CA5A: variants seen among roughly 807,000 people sequenced by gnomAD.
CA5A encodes carbonic anhydrase 5A, mitochondrial.
Under a neutral mutation model 37.1 loss-of-function variants are expected in CA5A, and 28 were observed. The observed-to-expected ratio is 0.75, with a 90% CI of 0.56 to 1.03. CA5A has a LOEUF of 1.03. Among genes scored for constraint, CA5A ranks in the 50% least tolerant of loss-of-function variants. The pLI is 0.00. For missense variants in CA5A, 444 were observed against 399.9 expected (o/e 1.11, Z -0.94); for synonymous variants, 171 against 158.4 (o/e 1.08, Z -0.60).
chr16:87,913,655 C>A (rs963761021), intron 2 of CA5A, among the ~76,000 whole-genome samples: 7 of 136,144 alleles, frequency 5.1e-5, no homozygotes, highest in Admixed American at 4.1e-4. Flanking sequence ...GTGCCGTGGC[C>A]CCCCCCTCCT....
intron 6 of CA5A, 96 bp from the exon 7 acceptor site, chr16:87,888,368 G>T: frequency 9.3e-7 from 1 of 1,071,986 alleles, no homozygotes; most frequent in Non-Finnish European, 1.4e-6. Context: ...CTCCCATGCT[G>T]AATCAGGATG....
downstream of CA5A, chr16:87,883,153 T>G (rs568548994): frequency 6.6e-6 from 1 of 152,058 alleles, no homozygotes; most frequent in Admixed American, 6.6e-5. Context: ...CCACAGTAGC[T>G]GGGATTATAG....
At chr16:87,925,904 C>T (rs2056300442) in intron 2 of CA5A, among the ~76,000 whole-genome samples, 1 of 152,100 alleles carries the variant, frequency 6.6e-6, no homozygotes, top group Admixed American at 6.6e-5. Context: ...AGTCTGTCCT[C>T]ACAGCAGCTG....
Position 87,936,333 on chromosome 16 carries a change from C to T in CA5A, c.118G>A (p.Ala40Thr), listed in dbSNP as rs970463808. 1 of 1,613,724 alleles carries T rather than the reference C, an allele frequency of 6.2e-7. No individual in the cohort carries two copies. The highest frequency in any genetic ancestry group is 1.3e-5 in the African/African-American group (1 of 74,898). Residue 40 changes from alanine (A) to threonine (T), a missense_variant, in exon 1 of 7, where the codon GCA becomes ACA. Transcript: ENST00000649794. Reference sequence around the variant, plus strand: ...CAAGTGTTATTGCTGGTTTGCCATGCACAGGAACGCTGAGAACACCATCGC... The same window carrying T: ...CAAGTGTTATTGCTGGTTTGCCATGTACAGGAACGCTGAGAACACCATCGC... The part of the protein sequence containing the change: ...PGRWCSQRSC[A>T]WQTSNNTLHP...
At chr16:87,882,020 C>T (rs188421876) in intron 4 of CA5A, 2 of 152,212 alleles carry the variant, frequency 1.3e-5, no homozygotes, top group African/African-American at 4.8e-5. Flanking sequence ...CAACATGGGG[C>T]CGGTAGAACT....
chr16:87,915,619 G>A (rs1447865786), intron 2 of CA5A, among the ~76,000 whole-genome samples: 2 of 136,220 alleles, frequency 1.5e-5, no homozygotes, highest in South Asian at 2.5e-4. Flanking sequence ...AGCTCAGGAG[G>A]TCGAGGCTGC....
intron 2 of CA5A, among the ~76,000 whole-genome samples, chr16:87,912,193 T>C (rs1323972723): frequency 1.3e-5 from 2 of 152,084 alleles, no homozygotes; most frequent in Non-Finnish European, 2.9e-5. Context: ...TGCCAGCTAC[T>C]TGGGAGGCGG....
At position 87,929,189 on chromosome 16, in the gene CA5A, C is replaced by T. The variant is rs111596362; in HGVS notation, c.143-2244G>A. On this transcript the variant is annotated intron_variant, in intron 1 of 6. Coordinates refer to ENST00000649794, the MANE Select transcript of CA5A (RefSeq NM_001739.2). ...AGCCCTGGCTGGGCGCGGTGGCTCA[C>T]GCCTATAATCCCAGTAGTTTGGGAG... 1.7e-3 allele frequency among the ~76,000 whole-genome samples: 265 copies of T among 151,812 alleles called. 1 individual carries two copies. Among genetic ancestry groups the T allele is most frequent in the African/African-American group, 6.0e-3 (247 of 41,450 alleles).
intron 1 of CA5A, among the ~76,000 whole-genome samples, chr16:87,927,650 C>T (rs548185932): frequency 3.9e-5 from 6 of 152,240 alleles, no homozygotes; most frequent in African/African-American, 1.4e-4. Context: ...CACTTGAGGT[C>T]AGGAGTTTGA....
In CA5A at chr16:87,934,818, G is replaced by C. The variant is rs111475316; in HGVS notation, c.142+1491C>G. On this transcript the variant is annotated intron_variant, in intron 1 of 6. Coordinates refer to ENST00000649794, the MANE Select transcript of CA5A (RefSeq NM_001739.2). Reference sequence around the variant, plus strand: ...CTACTAAAAATACAGAAATTAGTTGGGCGTGGTGGCACACGCCTGTAGTCC... The same window carrying C: ...CTACTAAAAATACAGAAATTAGTTGCGCGTGGTGGCACACGCCTGTAGTCC... 2.4e-4 allele frequency among the ~76,000 whole-genome samples: 36 copies of C among 152,222 alleles called. 2 individuals are homozygous for C. Among genetic ancestry groups the C allele is most frequent in the African/African-American group, 8.4e-4 (35 of 41,540 alleles).
rs369651699 is a variant in CA5A, at chr16:87,926,865, C to G, written c.223G>C (p.Val75Leu). 6 of 1,613,030 alleles carry G rather than the reference C, an allele frequency of 3.7e-6. No homozygotes were observed. In the African/African-American group the frequency reaches 6.7e-5, roughly 18 times the overall value. The change falls in exon 2 of 7, where the codon GTC becomes CTC. Residue 75 changes from valine to leucine, a missense_variant. Coordinates refer to ENST00000649794, the MANE Select transcript of CA5A (RefSeq NM_001739.2). ...AGTGGCTTCAGCTGGGGGTCATAGA[C>G]GCTGTCCCTCCACTGGATGTTAATA... ...SPINIQWRDSVYDPQLKPLRV... is the reference protein window; with the variant it reads ...SPINIQWRDSLYDPQLKPLRV...
chr16:87,890,668 T>A (rs191834196), intron 6 of CA5A, among the ~76,000 whole-genome samples: 1 of 152,302 alleles, frequency 6.6e-6, no homozygotes, highest in East Asian at 1.9e-4. Context: ...CAGGTTGGAG[T>A]GCAGTGGTGC....
At chr16:87,928,044 C>A (rs1441057501) in intron 1 of CA5A, among the ~76,000 whole-genome samples, 1 of 152,032 alleles carries the variant, frequency 6.6e-6, no homozygotes, top group Non-Finnish European at 1.5e-5. Context: ...GCTCTTGAAA[C>A]CTTAGAGCAC....
At chr16:87,897,854 T>C (rs2143930464) in intron 5 of CA5A, among the ~76,000 whole-genome samples, 1 of 152,178 alleles carries the variant, frequency 6.6e-6, no homozygotes, top group East Asian at 1.9e-4. Context: ...AGATTCAGTG[T>C]GATAATTTAT....
intron 2 of CA5A, among the ~76,000 whole-genome samples, chr16:87,915,410 C>T (rs947029070): frequency 6.6e-6 from 1 of 152,020 alleles, no homozygotes; most frequent in Non-Finnish European, 1.5e-5. Context: ...TGGAGTGAGC[C>T]TGTAGTCCCA....
At chr16:87,897,423 C>A (rs1328806116) in intron 5 of CA5A, among the ~76,000 whole-genome samples, 3 of 151,692 alleles carry the variant, frequency 2.0e-5, no homozygotes, top group African/African-American at 4.8e-5. Flanking sequence ...CCGGGGTCAC[C>A]AGGACCACAC....
chr16:87,933,647 C>T (rs8053437), intron 1 of CA5A, among the ~76,000 whole-genome samples: 44,843 of 151,908 alleles, frequency 0.3, 9,860 homozygotes, highest in African/African-American at 0.63. Context: ...CCTCCCAAAA[C>T]AGTGCTGGGA....
chr16:87,898,577 T>A (rs145207073), intron 5 of CA5A, among the ~76,000 whole-genome samples: 3,516 of 152,266 alleles, frequency 0.023, 40 homozygotes, highest in African/African-American at 0.036. Flanking sequence ...GATTTTCGTT[T>A]CGTGACGGGC....
In CA5A at chr16:87,936,426, T is replaced by A. The variant is rs1408651430; in HGVS notation, c.25A>T (p.Thr9Ser). 6.2e-7 allele frequency: 1 copy of A among 1,613,932 alleles called. No homozygotes were observed. Among genetic ancestry groups the A allele is most frequent in the East Asian group, 2.2e-5 (1 of 44,866 alleles). The part of the protein sequence containing the change: MLGRNTWK[T>S]SAFSFLVEQM... The stretch of plus-strand genomic sequence containing the variant: ...TCAACCAAGAAGGAGAAAGCTGAGG[T>A]CTTCCAAGTGTTCCTCCCCAACATC... The change falls in exon 1 of 7, where the codon ACC (threonine) becomes TCC (serine). Residue 9 changes from threonine (T) to serine (S), a missense_variant. Thr to Ser is a moderately conservative substitution (Grantham distance 58). Transcript: ENST00000649794.
Sources: allele counts gnomAD v4.1 joint callset (sites outside exome capture counted in the v4.1 genomes callset), GRCh38; gene constraint gnomAD v4.1.1; transcripts MANE v1.5; gene names NCBI Gene and HGNC (gene_info 2026-07-23, HGNC 2026-07-21).